The following SDCCAG8 variants were observed in gnomAD, a reference collection of about 807,000 sequenced individuals.
SDCCAG8 encodes the protein serologically defined colon cancer antigen 8.
A neutral mutation model predicts 101.8 loss-of-function variants in SDCCAG8; 74 were observed. The ratio of observed to expected loss-of-function variants is 0.73; its 90% confidence interval spans 0.60 to 0.88. The LOEUF (loss-of-function observed/expected upper bound fraction) is 0.88. SDCCAG8 is among the 40% of genes least tolerant of loss of function. SDCCAG8 has a pLI of 0.00. For missense variants in SDCCAG8, 787 were observed against 822.6 expected (o/e 0.96, Z 0.53); for synonymous variants, 281 against 292.9 (o/e 0.96, Z 0.41).
At chr1:243,437,707 T>C (rs1250649760) in intron 16 of SDCCAG8, among the ~76,000 whole-genome samples, 5 of 152,048 alleles carry the variant, frequency 3.3e-5, no homozygotes, top group Admixed American at 2.6e-4. Flanking sequence ...TGGCTAATTT[T>C]TTTTGTATTT....
At chr1:243,484,855 C>A (rs374166968) in intron 16 of SDCCAG8, among the ~76,000 whole-genome samples, 4 of 152,172 alleles carry the variant, frequency 2.6e-5, no homozygotes, top group East Asian at 1.9e-4. Flanking sequence ...ACCAGCCTGG[C>A]CAACATCGTG....
chr1:243,315,895 T>C (rs950155243), intron 8 of SDCCAG8, among the ~76,000 whole-genome samples: 7 of 152,232 alleles, frequency 4.6e-5, no homozygotes, highest in Non-Finnish European at 8.8e-5. Context: ...TTTTTTGCTT[T>C]TTATGTCTTG....
intron 8 of SDCCAG8, among the ~76,000 whole-genome samples, chr1:243,308,744 A>G (rs989030808): frequency 6.6e-6 from 1 of 152,234 alleles, no homozygotes; most frequent in Non-Finnish European, 1.5e-5. Context: ...GAGTGAAACA[A>G]TTCTCTTCGT....
chr1:243,395,226 G>A (rs2078968760), intron 13 of SDCCAG8, among the ~76,000 whole-genome samples: 1 of 152,154 alleles, frequency 6.6e-6, no homozygotes, highest in African/African-American at 2.4e-5. Context: ...CCTTCACGGT[G>A]ATTTAAGCAG....
At position 243,270,104 on chromosome 1, in the gene SDCCAG8, G is replaced by A; in HGVS notation, c.68-1G>A. 1 of 1,614,196 alleles carries A rather than the reference G, an allele frequency of 6.2e-7. No individual in the cohort carries two copies. The highest frequency in any genetic ancestry group is 8.5e-7 in the Non-Finnish European group (1 of 1,180,044). ...TAACTTTCGTCAGGTTGTTCTTGCA[G>A]AACATGCCAGCAGAAGCATTCACCA... On this transcript the variant is annotated splice_acceptor_variant, in intron 1 of 17. Transcript: ENST00000366541. LOFTEE classifies it high-confidence loss of function.
At chr1:243,272,084 G>C (rs1329911502) in intron 3 of SDCCAG8, among the ~76,000 whole-genome samples, 27 of 151,992 alleles carry the variant, frequency 1.8e-4, no homozygotes, top group Admixed American at 1.7e-3. Flanking sequence ...TTCTATCTAG[G>C]GTCTATCACA....
intron 13 of SDCCAG8, among the ~76,000 whole-genome samples, chr1:243,396,370 T>C (rs2079036037): frequency 2.0e-5 from 3 of 152,218 alleles, no homozygotes; most frequent in Admixed American, 2.0e-4. Context: ...TGAACATTAG[T>C]GAAACAGAAC....
chr1:243,304,814 G>A, intron 7 of SDCCAG8, 37 bp downstream of exon 7: 1 of 1,157,722 alleles, frequency 8.6e-7, no homozygotes, highest in South Asian at 1.2e-5. Context: ...CATACCAAAA[G>A]CATAATGATC....
intron 4 of SDCCAG8, among the ~76,000 whole-genome samples, chr1:243,281,978 A>C (rs1222258100): frequency 6.6e-6 from 1 of 151,662 alleles, no homozygotes; most frequent in East Asian, 1.9e-4. Flanking sequence ...ATTTTATATG[A>C]TTGCATTTTA....
intron 13 of SDCCAG8, among the ~76,000 whole-genome samples, chr1:243,393,346 A>T (rs1422752217): frequency 6.6e-6 from 1 of 152,042 alleles, no homozygotes; most frequent in African/African-American, 2.4e-5. Flanking sequence ...AGCAGAACTA[A>T]TCAGACAGTA....
chr1:243,378,721 GA>G lies in SDCCAG8; in HGVS notation c.1477del (p.Ile493Ter). On this transcript the variant is annotated frameshift_variant and splice_region_variant, in exon 13 of 18. Coordinates refer to ENST00000366541, the MANE Select transcript of SDCCAG8 (RefSeq NM_006642.5). LOFTEE classifies it high-confidence loss of function. Reference protein sequence around the residue: ...TNRDLEIKDQEIEKLRIELDE... With the variant: ...TNRDLEIKDQXIEKLRIELDE... ...CTTTTTCCCCTTCTCTCTACCTAAGGAAATAGAGAAATTGAGAATAGAACTG... is the reference window on the plus strand; with the variant it reads ...CTTTTTCCCCTTCTCTCTACCTAAGGAATAGAGAAATTGAGAATAGAACTG... 1 of 1,613,788 alleles carries G rather than the reference GA, an allele frequency of 6.2e-7. No individual in the cohort carries two copies. The highest frequency in any genetic ancestry group is 8.5e-7 in the Non-Finnish European group (1 of 1,179,828).
At chr1:243,333,194 C>T (rs2074751987) in intron 10 of SDCCAG8, among the ~76,000 whole-genome samples, 1 of 152,186 alleles carries the variant, frequency 6.6e-6, no homozygotes, top group Admixed American at 6.5e-5. Flanking sequence ...CGTCTCCTTT[C>T]ACCCCCTCAA....
chr1:243,386,639 G>C (rs2078311463), intron 13 of SDCCAG8, among the ~76,000 whole-genome samples: 1 of 152,134 alleles, frequency 6.6e-6, no homozygotes, highest in South Asian at 2.1e-4. Flanking sequence ...CGTAGTCCCA[G>C]CTACTCAGGA....
intron 12 of SDCCAG8, among the ~76,000 whole-genome samples, chr1:243,355,314 TTCTCTCTCTC>T (rs10579765): frequency 3.4e-5 from 5 of 147,676 alleles, no homozygotes; most frequent in Middle Eastern, 3.5e-3. Flanking sequence ...TCCTGATACC[TTCTCTCTCTC>T]TCTCTCTCTC....
intron 1 of SDCCAG8, among the ~76,000 whole-genome samples, chr1:243,257,602 A>G (rs74690032): frequency 0.016 from 2,411 of 152,352 alleles, 70 homozygotes; most frequent in African/African-American, 0.055. Flanking sequence ...AAGGTTTTTC[A>G]ATATTAGAAA....
chr1:243,486,895 G>A (rs902803338), intron 16 of SDCCAG8, among the ~76,000 whole-genome samples: 1 of 151,716 alleles, frequency 6.6e-6, no homozygotes, highest in African/African-American at 2.4e-5. Flanking sequence ...TCACGTTTCT[G>A]TTCCATTCTT....
chr1:243,449,357 T>C (rs1033224998), intron 16 of SDCCAG8, among the ~76,000 whole-genome samples: 8 of 152,254 alleles, frequency 5.3e-5, no homozygotes, highest in Non-Finnish European at 1.0e-4. Flanking sequence ...CAGTGGCTGA[T>C]ACATTAAAGA....
chr1:243,381,028 C>T (rs72759851), intron 13 of SDCCAG8, among the ~76,000 whole-genome samples: 8,344 of 151,932 alleles, frequency 0.055, 296 homozygotes, highest in South Asian at 0.13. Context: ...AATGTTGTGT[C>T]GTTCTTTTTC....
At chr1:243,446,022 C>T (rs985297997) in intron 16 of SDCCAG8, among the ~76,000 whole-genome samples, 4 of 152,180 alleles carry the variant, frequency 2.6e-5, no homozygotes, top group African/African-American at 9.7e-5. Context: ...GGAGCACAAG[C>T]GCCCATTTGT....
Sources: allele counts gnomAD v4.1 joint callset (sites outside exome capture counted in the v4.1 genomes callset), GRCh38; gene constraint gnomAD v4.1.1; transcripts MANE v1.5; gene names NCBI Gene and HGNC (gene_info 2026-07-23, HGNC 2026-07-21).